The following COL25A1 variants were observed in gnomAD, a reference collection of about 807,000 sequenced individuals.
The protein encoded by COL25A1 is collagen type XXV alpha 1 chain.
A neutral mutation model predicts 128.4 loss-of-function variants in COL25A1; 103 were observed. The observed-to-expected ratio is 0.80, with a 90% CI of 0.68 to 0.94. COL25A1 has a LOEUF of 0.94. Among genes scored for constraint, COL25A1 ranks in the 40% least tolerant of loss-of-function variants. COL25A1 has a pLI of 0.00. For synonymous variants in COL25A1, 279 were observed against 277.2 expected (o/e 1.01, Z -0.06); for missense variants, 745 against 840.0 (o/e 0.89, Z 1.40).
At chr4:109,054,554 T>C (rs1309125744) in intron 3 of COL25A1, among the ~76,000 whole-genome samples, 1 of 152,178 alleles carries the variant, frequency 6.6e-6, no homozygotes, top group Non-Finnish European at 1.5e-5. Context: ...AATTCTAAAA[T>C]AGTAAGATTT....
intron 3 of COL25A1, among the ~76,000 whole-genome samples, chr4:109,228,426 T>C (rs1051808468): frequency 1.3e-5 from 2 of 152,190 alleles, no homozygotes; most frequent in Admixed American, 1.3e-4. Flanking sequence ...ACTGACACGA[T>C]GTAACTATCC....
intron 5 of COL25A1, among the ~76,000 whole-genome samples, chr4:109,031,685 C>G (rs1046422217): frequency 6.6e-6 from 1 of 152,150 alleles, no homozygotes; most frequent in Non-Finnish European, 1.5e-5. Context: ...CAAATCAAGG[C>G]ATAGTTAGAC....
Position 109,101,977 on chromosome 4 carries a change from A to G in COL25A1, c.368-51798T>C, listed in dbSNP as rs1765937661. ...ACTATCAATTTTATAAAAGCTTAAC[A>G]TGAAATACATCACATGTATGTTTCT... On this transcript the variant is annotated intron_variant, in intron 3 of 37. Coordinates refer to ENST00000399132, the MANE Select transcript of COL25A1 (RefSeq NM_198721.4). 2.6e-5 allele frequency among the ~76,000 whole-genome samples: 4 copies of G among 152,198 alleles called. No individual in the cohort carries two copies. In the South Asian group the frequency reaches 8.3e-4, roughly 32 times the overall value.
At chr4:109,133,799 A>G (rs554758281) in intron 3 of COL25A1, among the ~76,000 whole-genome samples, 9 of 152,174 alleles carry the variant, frequency 5.9e-5, no homozygotes, top group Non-Finnish European at 1.0e-4. Context: ...ACATATAGAA[A>G]CACTCTATTA....
At chr4:109,129,880 T>A (rs1420266933) in intron 3 of COL25A1, among the ~76,000 whole-genome samples, 1 of 152,026 alleles carries the variant, frequency 6.6e-6, no homozygotes, top group Non-Finnish European at 1.5e-5. Context: ...ATTAAAAGAA[T>A]TGGGAGATAT....
At chr4:108,854,320 T>C (rs1359144024) in intron 24 of COL25A1, among the ~76,000 whole-genome samples, 3 of 152,104 alleles carry the variant, frequency 2.0e-5, no homozygotes, top group Non-Finnish European at 4.4e-5. Flanking sequence ...AAAGACTTCA[T>C]GACTAAAACA....
chr4:108,918,035 G>A, intron 13 of COL25A1, 137 bp downstream of exon 13: 1 of 448,508 alleles, frequency 2.2e-6, no homozygotes, highest in East Asian at 3.5e-5. Context: ...GTAATTTGTA[G>A]CACAATTTTC....
At chr4:109,032,151 T>C (rs1476808287) in intron 5 of COL25A1, among the ~76,000 whole-genome samples, 1 of 152,092 alleles carries the variant, frequency 6.6e-6, no homozygotes, top group Admixed American at 6.6e-5. Flanking sequence ...CCAGGAAATG[T>C]TGAGTGACTT....
intron 6 of COL25A1, among the ~76,000 whole-genome samples, chr4:108,997,351 T>A (rs1056823904): frequency 4.6e-5 from 7 of 152,096 alleles, no homozygotes; most frequent in Non-Finnish European, 1.0e-4. Flanking sequence ...AACACCTCTA[T>A]GCAAATAAAC....
At chr4:109,183,938 A>AAC (rs1185940833) in intron 3 of COL25A1, among the ~76,000 whole-genome samples, 1 of 151,956 alleles carries the variant, frequency 6.6e-6, no homozygotes, top group African/African-American at 2.4e-5. Flanking sequence ...AAAAAAAAAA[A>AAC]AAAGATTGGG....
chr4:109,070,852 A>G (rs1401637851), intron 3 of COL25A1, among the ~76,000 whole-genome samples: 2 of 152,246 alleles, frequency 1.3e-5, no homozygotes, highest in African/African-American at 4.8e-5. Context: ...ACGTCCCAAC[A>G]AAGGACACGA....
chr4:109,044,111 G>A (rs1012827662), intron 5 of COL25A1, among the ~76,000 whole-genome samples: 46 of 142,422 alleles, frequency 3.2e-4, no homozygotes, highest in African/African-American at 1.0e-3. Flanking sequence ...GTGTGTGTGT[G>A]TGTGTATGTA....
At chr4:108,816,005 T>C (rs13141549) in intron 37 of COL25A1, among the ~76,000 whole-genome samples, 1 of 151,812 alleles carries the variant, frequency 6.6e-6, no homozygotes, top group Non-Finnish European at 1.5e-5. Context: ...AGGTTAGAGA[T>C]TAAGTGGTAA....
intron 3 of COL25A1, among the ~76,000 whole-genome samples, chr4:109,295,153 TA>T (rs1724851232): frequency 6.6e-6 from 1 of 152,092 alleles, no homozygotes; most frequent in South Asian, 2.1e-4. Flanking sequence ...ATAGAATTAT[TA>T]AGGTAAGAAA....
intron 3 of COL25A1, among the ~76,000 whole-genome samples, chr4:109,101,911 AC>A (rs1765933730): frequency 1.3e-5 from 2 of 152,150 alleles, no homozygotes; most frequent in Admixed American, 1.3e-4. Flanking sequence ...AGTTTAATGA[AC>A]CCCATTCCAT....
chr4:109,218,361 T>TTTGTTTGTTTGTTTGTTTG (rs1553961845), intron 3 of COL25A1, among the ~76,000 whole-genome samples: 4 of 132,172 alleles, frequency 3.0e-5, no homozygotes, highest in African/African-American at 1.2e-4. Context: ...TTTGGGGTTT[T>TTTGTTTGTTTGTTTGTTTG]TTTTTTTTTT....
rs977469790 is a variant in COL25A1, at chr4:108,809,827, T to C, written c.*4100A>G. ...GCATAATCATAATTGGTCAAGCTTG[T>C]TAATTCCACTAGGGATGTATGATTT... is the stretch of plus-strand genomic sequence containing the variant. On this transcript the variant is annotated 3_prime_UTR_variant, in exon 38 of 38. Transcript: ENST00000399132. 1.3e-5 allele frequency: 2 copies of C among 152,056 alleles called. No homozygotes were observed. Among genetic ancestry groups the C allele is most frequent in the African/African-American group, 4.8e-5 (2 of 41,460 alleles). 9.4% of individuals were successfully genotyped at this position (152,056 alleles called of 1,614,324 possible).
At chr4:108,832,260 T>A in intron 32 of COL25A1, 120 bp downstream of exon 32, 1 of 681,512 alleles carries the variant, frequency 1.5e-6, no homozygotes, top group South Asian at 2.2e-5. Flanking sequence ...TGGTATCTCT[T>A]TTTATTTAAT....
At chr4:108,981,169 G>C (rs1246884929) in intron 6 of COL25A1, among the ~76,000 whole-genome samples, 1 of 152,162 alleles carries the variant, frequency 6.6e-6, no homozygotes, top group Non-Finnish European at 1.5e-5. Flanking sequence ...TTGAAAAATA[G>C]GGATCCTAGG....
Sources: gnomAD v4.1 joint callset for allele counts (sites outside exome capture counted in the v4.1 genomes callset) on GRCh38, gnomAD v4.1.1 for gene constraint, MANE v1.5 for transcripts, NCBI Gene and HGNC (gene_info 2026-07-23, HGNC 2026-07-21) for gene names.